Variants in EXD3 observed in about 807,000 individuals in gnomAD.
EXD3 encodes exonuclease 3'-5' domain containing 3, also known as exonuclease mut-7 homolog.
In EXD3, 92 loss-of-function variants were observed where a neutral mutation model predicts 98.0. The ratio of observed to expected loss-of-function variants is 0.94; its 90% CI spans 0.79 to 1.12. EXD3 has a LOEUF of 1.12. EXD3 is among the 50% of genes most tolerant of loss of function. The pLI is 0.00. For missense variants in EXD3, 1,222 were observed against 1,191.6 expected (o/e 1.03, Z -0.38); for synonymous variants, 569 against 526.0 (o/e 1.08, Z -1.12).
intron 1 of EXD3, among the ~76,000 whole-genome samples, chr9:137,414,345 G>A (rs993850354): frequency 1.3e-5 from 2 of 152,222 alleles, no homozygotes; most frequent in African/African-American, 4.8e-5. Flanking sequence ...CACAGACCAC[G>A]GGCTGTTTGT....
Position 137,348,205 on chromosome 9 carries a change from C to T in EXD3, c.1864G>A (p.Ala622Thr). The part of the protein sequence containing the change: ...PVAVAVSEGA[A>T]PQIPARAFRV... Reference sequence around the variant, plus strand: ...AAGGCCCTGGCCGGAATCTGAGGGGCAGCGCCCTCAGACACAGCCACAGCC... The same window carrying T: ...AAGGCCCTGGCCGGAATCTGAGGGGTAGCGCCCTCAGACACAGCCACAGCC... Residue 622 changes from alanine to threonine, a missense_variant, in exon 17 of 22, where the codon GCC becomes ACC. By Grantham distance (58) the Ala-to-Thr change is moderately conservative (BLOSUM62 0). Coordinates refer to ENST00000340951, the MANE Select transcript of EXD3 (RefSeq NM_017820.5). 1 of 1,611,836 alleles carries T rather than the reference C, an allele frequency of 6.2e-7. No individual in the cohort carries two copies. The highest frequency in any genetic ancestry group is 1.7e-5 in the Admixed American group (1 of 59,950).
chr9:137,383,230 G>A (rs1836407719), intron 3 of EXD3, 83 bp downstream of exon 3: 3 of 1,155,352 alleles, frequency 2.6e-6, no homozygotes, highest in Admixed American at 4.0e-5. Context: ...TGACCAGGGA[G>A]GCCTCCTGTT....
In EXD3 at chr9:137,347,924, C is replaced by T. The variant is rs563506690; in HGVS notation, c.1998+147G>A. The T allele has an allele frequency of 3.0e-4, 295 of 978,458 alleles. No homozygotes were observed. The highest frequency in any genetic ancestry group is 4.0e-4 in the Non-Finnish European group (274 of 681,660). The allele number at this position is 978,458 out of a possible 1,614,324, so 60.6% of individuals were successfully genotyped here. A position where few individuals can be genotyped will look rare whatever the true frequency, so the allele number is the denominator to read the frequency against. On this transcript the variant is annotated intron_variant, in intron 17 of 21. Transcript: ENST00000340951. The surrounding 1 kb of genome is among the most constrained non-coding windows in gnomAD (Gnocchi z 4.2). The stretch of plus-strand genomic sequence containing the variant: ...TGGCCCCCAACCGCTCCATCCTTGG[C>T]CACCCCGTCCTGTTCCCAGAGCCTG...
chr9:137,413,892 C>T (rs964906304), intron 1 of EXD3, among the ~76,000 whole-genome samples: 2 of 151,726 alleles, frequency 1.3e-5, no homozygotes, highest in Non-Finnish European at 2.9e-5. Context: ...ATAAAGGAGA[C>T]CACACAGGTT....
chr9:137,322,592 G>A (rs539339038), intron 19 of EXD3, among the ~76,000 whole-genome samples: 2 of 67,182 alleles, frequency 3.0e-5, no homozygotes, highest in African/African-American at 1.3e-4. Context: ...CCCGGACCAC[G>A]AGGGATGCTC....
intron 5 of EXD3, among the ~76,000 whole-genome samples, chr9:137,369,594 C>T (rs1835486078): frequency 7.7e-6 from 1 of 129,890 alleles, no homozygotes; most frequent in Admixed American, 7.8e-5. Flanking sequence ...CCTTCCCTCA[C>T]CGCTGCTGTC....
At chr9:137,342,658 C>T (rs1423244615) in intron 17 of EXD3, among the ~76,000 whole-genome samples, 1 of 152,178 alleles carries the variant, frequency 6.6e-6, no homozygotes, top group Non-Finnish European at 1.5e-5. Context: ...CCGCAAACCA[C>T]CTTCGTCATT....
chr9:137,388,439 C>T (rs1193264297), intron 2 of EXD3, among the ~76,000 whole-genome samples: 1 of 152,168 alleles, frequency 6.6e-6, no homozygotes, highest in Admixed American at 6.5e-5. Flanking sequence ...AATGGGGCTG[C>T]CTTCACCTTG....
chr9:137,346,946 G>A (rs1023067512), intron 17 of EXD3, among the ~76,000 whole-genome samples: 11 of 152,092 alleles, frequency 7.2e-5, no homozygotes, highest in African/African-American at 2.7e-4. Context: ...CTCCCGAGTA[G>A]CTGGGATTAC....
intron 2 of EXD3, among the ~76,000 whole-genome samples, chr9:137,388,920 G>A (rs1412609943): frequency 3.3e-5 from 5 of 152,092 alleles, no homozygotes; most frequent in Non-Finnish European, 7.4e-5. Flanking sequence ...CACCCCGCCT[G>A]GGTCAGTCCT....
At chr9:137,355,541 A>AGGAGGAAGGGAGGAAGGAGGAT (rs1834648003) in intron 8 of EXD3, among the ~76,000 whole-genome samples, 1 of 52,610 alleles carries the variant, frequency 1.9e-5, no homozygotes. Context: ...GGAAGGAGGA[A>AGGAGGAAGGGAGGAAGGAGGAT]GGAGGAAGGA....
chr9:137,377,607 G>A (rs1450818219), intron 3 of EXD3, among the ~76,000 whole-genome samples: 2 of 151,278 alleles, frequency 1.3e-5, no homozygotes, highest in East Asian at 2.0e-4. Flanking sequence ...TTTAATCTCA[G>A]CTACTCAGGA....
At chr9:137,406,170 T>G (rs1837701805) in intron 1 of EXD3, among the ~76,000 whole-genome samples, 2 of 147,530 alleles carry the variant, frequency 1.4e-5, no homozygotes, top group Non-Finnish European at 3.0e-5. Context: ...GACCCAAGAT[T>G]GGGCCACTGC....
At chr9:137,400,721 C>T (rs1326783002) in intron 1 of EXD3, among the ~76,000 whole-genome samples, 2 of 151,304 alleles carry the variant, frequency 1.3e-5, no homozygotes, top group South Asian at 2.1e-4. Flanking sequence ...GCCGAGATCG[C>T]GCCATTGCAC....
intron 3 of EXD3, chr9:137,374,864 C>G: frequency 1.0e-6 from 1 of 985,504 alleles, no homozygotes; most frequent in Non-Finnish European, 1.2e-6. Flanking sequence ...AGTCCTAGCC[C>G]TAGTGAGTTC....
rs562545117 is a variant in EXD3, at chr9:137,395,477, C to G, written c.-47-73G>C. The G allele has an allele frequency of 2.1e-4, 302 of 1,437,848 alleles. 2 individuals are homozygous for G. In the South Asian group the frequency reaches 3.6e-3, roughly 17 times the overall value. The allele number at this position is 1,437,848 out of a possible 1,614,324, so 89.1% of individuals were successfully genotyped here. ...AGCCATGCAGAGCCCACGCCCACAG[C>G]CCCTGGAGGTGGTGGAGGGAGCTGG... On this transcript the variant is annotated intron_variant, in intron 1 of 21. Coordinates refer to ENST00000340951, the MANE Select transcript of EXD3 (RefSeq NM_017820.5). This position sits in a 1 kb window ranked among gnomAD's most constrained non-coding sequence, Gnocchi z 6.5.
intron 17 of EXD3, among the ~76,000 whole-genome samples, chr9:137,342,391 A>G (rs1833693304): frequency 1.3e-5 from 2 of 149,304 alleles, no homozygotes; most frequent in Admixed American, 1.3e-4. Context: ...GTCTCCCAGG[A>G]GTCAGAGGAA....
intron 8 of EXD3, among the ~76,000 whole-genome samples, chr9:137,355,732 G>GAAAGGGAGGATGGA (rs1397701660): frequency 8.3e-6 from 1 of 120,526 alleles, no homozygotes; most frequent in Non-Finnish European, 1.8e-5. Flanking sequence ...GGAGGAAGGA[G>GAAAGGGAGGATGGA]GACCTAGAAA....
chr9:137,372,619 G>T (rs1228649359), intron 5 of EXD3, among the ~76,000 whole-genome samples: 1 of 152,252 alleles, frequency 6.6e-6, no homozygotes, highest in African/African-American at 2.4e-5. Flanking sequence ...CCCTGTGAGT[G>T]TGAGGGCCCA....
Sources: gnomAD v4.1 joint callset for allele counts (sites outside exome capture counted in the v4.1 genomes callset) on GRCh38, gnomAD v4.1.1 for gene constraint, Gnocchi (gnomAD v3.1) non-coding constraint, MANE v1.5 for transcripts, NCBI Gene and HGNC (gene_info 2026-07-23, HGNC 2026-07-21) for gene names.